The following SLC9B1 variants were observed in gnomAD, a reference collection of about 807,000 sequenced individuals.
SLC9B1 encodes the protein solute carrier family 9 member B1.
SLC9B1 carries 32 observed loss-of-function variants against 51.7 expected under a neutral mutation model. The observed-to-expected ratio is 0.62, with a 90% CI of 0.47 to 0.83. The LOEUF (loss-of-function observed/expected upper bound fraction) is 0.83, where lower values mean the gene tolerates loss of function less well. Among genes scored for constraint, SLC9B1 ranks in the 40% least tolerant of loss-of-function variants. SLC9B1 has a pLI of 0.00. For missense variants in SLC9B1, 406 were observed against 613.2 expected, an observed-to-expected ratio of 0.66 and a Z score of 3.57; for synonymous variants, 145 against 212.7, an observed-to-expected ratio of 0.68 and a Z score of 2.77.
chr4:102,999,182 G>A (rs745545076), intron 1 of SLC9B1, among the ~76,000 whole-genome samples: 11 of 152,160 alleles, frequency 7.2e-5, no homozygotes, highest in Non-Finnish European at 1.5e-4. Context: ...TGAGTTGTAG[G>A]AGTTCTTTAT....
intron 3 of SLC9B1, among the ~76,000 whole-genome samples, chr4:102,964,959 T>C (rs1267279424): frequency 2.0e-5 from 3 of 152,126 alleles, no homozygotes; most frequent in Non-Finnish European, 4.4e-5. Context: ...CAACTCTTTT[T>C]ATTGTTAGCC....
intron 1 of SLC9B1, among the ~76,000 whole-genome samples, chr4:103,009,292 G>A (rs1019551241): frequency 1.3e-5 from 2 of 152,212 alleles, no homozygotes; most frequent in East Asian, 1.9e-4. Context: ...TATGCTTTTG[G>A]AGCAATGTTG....
intron 11 of SLC9B1, among the ~76,000 whole-genome samples, chr4:102,895,095 A>G (rs996849622): frequency 1.3e-5 from 2 of 152,220 alleles, no homozygotes; most frequent in African/African-American, 4.8e-5. Flanking sequence ...AAGACTATTG[A>G]GAGGAACTTT....
intron 3 of SLC9B1, among the ~76,000 whole-genome samples, chr4:102,967,102 C>T (rs1038622809): frequency 1.3e-5 from 2 of 152,212 alleles, no homozygotes; most frequent in African/African-American, 4.8e-5. Flanking sequence ...TCTGAGATCT[C>T]ATTAGAATGG....
intron 3 of SLC9B1, among the ~76,000 whole-genome samples, chr4:102,955,112 T>C (rs1195762750): frequency 6.6e-6 from 1 of 152,174 alleles, no homozygotes; most frequent in Non-Finnish European, 1.5e-5. Context: ...CCAAATCTCA[T>C]CTTGAATTGT....
In SLC9B1 at chr4:102,951,960, C is replaced by CTTTT. The variant is rs765709645; in HGVS notation, c.212-2537_212-2534dup. On this transcript the variant is annotated intron_variant, in intron 3 of 11. Coordinates refer to ENST00000296422, the MANE Select transcript of SLC9B1 (RefSeq NM_139173.4). Reference sequence around the variant, plus strand: ...AGACTACCAAAGGCAAAAATAAAATCTTTTTTTTTTTTTTTTTTTTATTAT... The same window carrying CTTTT: ...AGACTACCAAAGGCAAAAATAAAATCTTTTTTTTTTTTTTTTTTTTTTTTATTAT... Among the ~76,000 whole-genome samples the CTTTT allele has an allele frequency of 5.3e-3, 35 of 6,552 alleles. 13 individuals carry two copies. Among genetic ancestry groups the CTTTT allele is most frequent in the African/African-American group, 0.014 (31 of 2,160 alleles). 4.3% of individuals were successfully genotyped at this position (6,552 alleles called of 152,430 possible). A position where few individuals can be genotyped will look rare whatever the true frequency, so the allele number is the denominator to read the frequency against.
intron 1 of SLC9B1, among the ~76,000 whole-genome samples, chr4:103,007,297 C>T (rs1246466496): frequency 6.6e-6 from 1 of 152,084 alleles, no homozygotes; most frequent in African/African-American, 2.4e-5. Flanking sequence ...AATCAATGTA[C>T]CAAAATCAGT....
chr4:102,945,929 A>G (rs1256512235), intron 5 of SLC9B1, among the ~76,000 whole-genome samples: 5 of 152,150 alleles, frequency 3.3e-5, no homozygotes, highest in African/African-American at 1.2e-4. Context: ...GATCCCTAGA[A>G]TGTAATATTT....
chr4:102,898,810 C>G (rs1734657037), downstream of SLC9B1, among the ~76,000 whole-genome samples: 1 of 152,246 alleles, frequency 6.6e-6, no homozygotes, highest in Admixed American at 6.5e-5. Flanking sequence ...TCACTGCAAC[C>G]TTTGCCTCCC....
rs138909045 is a variant in SLC9B1 at position 102,918,013 on chromosome 4, A to T, written c.830-6476T>A. Among the ~76,000 whole-genome samples the T allele has an allele frequency of 2.6e-3, 376 of 144,878 alleles. 7 individuals are homozygous for T. In the East Asian group the frequency reaches 0.069, roughly 26 times the overall value. On this transcript the variant is annotated intron_variant, in intron 7 of 11. Transcript: ENST00000296422. ...GAACCGGGAGGCAGAGGCTGCACTG[A>T]GCTGAGATCGTGCCACTGCACTCCA...
intron 3 of SLC9B1, among the ~76,000 whole-genome samples, chr4:102,961,180 G>A (rs1389169175): frequency 6.6e-6 from 1 of 152,056 alleles, no homozygotes; most frequent in Non-Finnish European, 1.5e-5. Flanking sequence ...AATTACCAGT[G>A]TGATCACAAA....
At chr4:103,003,763 G>A (rs1368041635) in intron 1 of SLC9B1, among the ~76,000 whole-genome samples, 3 of 152,084 alleles carry the variant, frequency 2.0e-5, no homozygotes, top group African/African-American at 7.2e-5. Context: ...AACCTTGAGG[G>A]GCCAGAGAAC....
chr4:102,955,835 AAG>A lies in SLC9B1; in HGVS notation c.212-6410_212-6409del, dbSNP rs200790469. 4.9e-4 allele frequency among the ~76,000 whole-genome samples: 68 copies of A among 137,772 alleles called. 1 individual carries two copies. The highest frequency in any genetic ancestry group is 1.6e-3 in the African/African-American group (56 of 35,482). The allele number at this position is 137,772 out of a possible 152,430, so 90.4% of individuals were successfully genotyped here. The stretch of plus-strand genomic sequence containing the variant: ...AACAACAAACAAAGTGGAAGAAAGA[AAG>A]AGAGAGAGAAAGAAAGAAAGAAAGA... On this transcript the variant is annotated intron_variant, in intron 3 of 11. Transcript: ENST00000296422.
At chr4:102,947,298 G>A (rs1458615274) in intron 4 of SLC9B1, among the ~76,000 whole-genome samples, 3 of 152,114 alleles carry the variant, frequency 2.0e-5, no homozygotes, top group Non-Finnish European at 2.9e-5. Flanking sequence ...ATACTTAGAA[G>A]GTGCTGTAAG....
rs1288227669 is a variant in SLC9B1 at position 102,988,431 on chromosome 4, T to C, written c.211+1369A>G. On this transcript the variant is annotated intron_variant, in intron 3 of 11. Coordinates refer to ENST00000296422, the MANE Select transcript of SLC9B1 (RefSeq NM_139173.4). Reference sequence around the variant, plus strand: ...ATTAACTATTATTTATAGAAAAACATGTTGTTCTATTTCCTTTTATTATCC... The same window carrying C: ...ATTAACTATTATTTATAGAAAAACACGTTGTTCTATTTCCTTTTATTATCC... Among the ~76,000 whole-genome samples, 4 of 152,170 alleles carry C rather than the reference T, an allele frequency of 2.6e-5. No homozygotes were observed. The East Asian group carries it at 7.7e-4, about 29-fold the overall frequency.
At position 102,964,912 on chromosome 4, in the gene SLC9B1, C is replaced by T. The variant is rs572751646; in HGVS notation, c.212-15485G>A. Among the ~76,000 whole-genome samples, 3 of 152,100 alleles carry T rather than the reference C, an allele frequency of 2.0e-5. No homozygotes were observed. The South Asian group carries it at 6.2e-4, about 32-fold the overall frequency. On this transcript the variant is annotated intron_variant, in intron 3 of 11. Transcript: ENST00000296422. Reference sequence around the variant, plus strand: ...CTGTGTTTACCACTTCTATTTTTTCCTTGCAATAGTCAAGGAAAAAAGTTA... The same window carrying T: ...CTGTGTTTACCACTTCTATTTTTTCTTTGCAATAGTCAAGGAAAAAAGTTA...
chr4:102,980,407 C>A (rs930132496), intron 3 of SLC9B1, among the ~76,000 whole-genome samples: 1 of 152,186 alleles, frequency 6.6e-6, no homozygotes, highest in Admixed American at 6.5e-5. Flanking sequence ...GGATACTATG[C>A]AGCCATAAAA....
At chr4:102,973,803 T>C (rs144216825) in intron 3 of SLC9B1, among the ~76,000 whole-genome samples, 58 of 149,646 alleles carry the variant, frequency 3.9e-4, no homozygotes, top group South Asian at 4.3e-4. Context: ...AATCAGAAGA[T>C]ATTTGGAAGT....
At chr4:102,910,154 A>G (rs1002492440) in intron 9 of SLC9B1, among the ~76,000 whole-genome samples, 1 of 152,140 alleles carries the variant, frequency 6.6e-6, no homozygotes, top group African/African-American at 2.4e-5. Context: ...TATAATTAAA[A>G]TTTCAATGAA....
Sources: gnomAD v4.1 joint callset for allele counts (sites outside exome capture counted in the v4.1 genomes callset) on GRCh38, gnomAD v4.1.1 for gene constraint, MANE v1.5 for transcripts, NCBI Gene and HGNC (gene_info 2026-07-23, HGNC 2026-07-21) for gene names.